Variants in PARD3B observed in about 807,000 individuals in gnomAD.
The protein encoded by PARD3B is par-3 family cell polarity regulator beta, also known as partitioning defective 3 homolog B.
In PARD3B, 103 loss-of-function variants were observed where a neutral mutation model predicts 130.2. The ratio of observed to expected loss-of-function variants is 0.79; its 90% CI spans 0.67 to 0.93. PARD3B has a LOEUF of 0.93. Among genes scored for constraint, PARD3B ranks in the 40% least tolerant of loss-of-function variants. The pLI is 0.00. For missense variants in PARD3B, 1,609 were observed against 1,499.2 expected (o/e 1.07, Z -1.21); for synonymous variants, 583 against 553.2 (o/e 1.05, Z -0.76).
intron 19 of PARD3B, among the ~76,000 whole-genome samples, chr2:205,416,403 T>C (rs1003305799): frequency 9.3e-5 from 14 of 150,848 alleles, no homozygotes; most frequent in African/African-American, 3.5e-4. Context: ...GTTTTCATGC[T>C]GTGTATAAAA....
At chr2:205,029,598 T>C (rs1697283878) in intron 3 of PARD3B, among the ~76,000 whole-genome samples, 1 of 152,186 alleles carries the variant, frequency 6.6e-6, no homozygotes, top group Admixed American at 6.6e-5. Context: ...TAATTCTCCC[T>C]CTTGCTCCTA....
chr2:205,356,825 G>A (rs2044209825), intron 18 of PARD3B, among the ~76,000 whole-genome samples: 2 of 151,350 alleles, frequency 1.3e-5, no homozygotes, highest in South Asian at 4.2e-4. Flanking sequence ...CAGGAAGCAG[G>A]GGTTGCAGTG....
intron 1 of PARD3B, among the ~76,000 whole-genome samples, chr2:204,617,448 T>A (rs556515498): frequency 6.6e-6 from 1 of 152,200 alleles, no homozygotes; most frequent in Non-Finnish European, 1.5e-5. Flanking sequence ...CTAGGTCTTT[T>A]TGGGGAGATG....
chr2:205,567,953 C>A (rs1369807970), intron 22 of PARD3B, among the ~76,000 whole-genome samples: 1 of 152,152 alleles, frequency 6.6e-6, no homozygotes, highest in African/African-American at 2.4e-5. Context: ...CACCTTGCCC[C>A]ACCTGGGGGC....
intron 22 of PARD3B, among the ~76,000 whole-genome samples, chr2:205,586,102 A>G (rs146596871): frequency 1.3e-5 from 2 of 152,272 alleles, no homozygotes; most frequent in African/African-American, 4.8e-5. Flanking sequence ...TTCATGATTT[A>G]CCCATCTTGA....
At chr2:205,026,195 G>A (rs1293087334) in intron 3 of PARD3B, among the ~76,000 whole-genome samples, 1 of 152,120 alleles carries the variant, frequency 6.6e-6, no homozygotes, top group Non-Finnish European at 1.5e-5. Context: ...TATTCTGAGA[G>A]TAGAGGGAAA....
chr2:205,277,283 C>T (rs1229092655), intron 16 of PARD3B, among the ~76,000 whole-genome samples: 1 of 152,084 alleles, frequency 6.6e-6, no homozygotes, highest in Admixed American at 6.5e-5. Flanking sequence ...TTTTGTTGTT[C>T]ATTAGCTGTG....
chr2:204,985,480 A>G (rs1339853369), intron 3 of PARD3B, among the ~76,000 whole-genome samples: 1 of 152,186 alleles, frequency 6.6e-6, no homozygotes, highest in Admixed American at 6.5e-5. Context: ...CAGTTCTAAC[A>G]CTTTTCTGGA....
At chr2:205,108,317 C>T (rs1055324377) in intron 5 of PARD3B, among the ~76,000 whole-genome samples, 1 of 152,132 alleles carries the variant, frequency 6.6e-6, no homozygotes, top group Non-Finnish European at 1.5e-5. Flanking sequence ...ACACTTCTCC[C>T]TAATTCTAGA....
rs147350122 is a variant in PARD3B, at chr2:204,718,073, G to C, written c.222+31791G>C. On this transcript the variant is annotated intron_variant, in intron 2 of 22. Transcript: ENST00000406610. ...TTTTATTTTAGAGAACCCGAGGGGA[G>C]AAAGGCACGTATCATGAGAAATGAA... Among the ~76,000 whole-genome samples, 3 of 152,266 alleles carry C rather than the reference G, an allele frequency of 2.0e-5. No individual in the cohort carries two copies. In the East Asian group the frequency reaches 5.8e-4, roughly 29 times the overall value.
At chr2:204,687,710 T>A (rs2125246373) in intron 2 of PARD3B, among the ~76,000 whole-genome samples, 1 of 152,308 alleles carries the variant, frequency 6.6e-6, no homozygotes, top group Non-Finnish European at 1.5e-5. Context: ...TTCACCCTGT[T>A]TCACTTTCTG....
chr2:205,095,989 T>A (rs1702371427), intron 4 of PARD3B, among the ~76,000 whole-genome samples: 1 of 152,060 alleles, frequency 6.6e-6, no homozygotes, highest in Admixed American at 6.6e-5. Context: ...TTGGTTTTAT[T>A]TCAGGTATGC....
chr2:204,928,554 A>G (rs1028950149), intron 2 of PARD3B, among the ~76,000 whole-genome samples: 1 of 152,154 alleles, frequency 6.6e-6, no homozygotes, highest in South Asian at 2.1e-4. Context: ...TGCTTAAACA[A>G]GTGGAGTTCT....
intron 1 of PARD3B, among the ~76,000 whole-genome samples, chr2:204,552,443 A>G (rs1003345614): frequency 2.6e-5 from 4 of 152,164 alleles, no homozygotes; most frequent in Admixed American, 2.6e-4. Context: ...AATCTGGGCC[A>G]TTTTTAGTGA....
At chr2:205,163,851 G>A (rs1313620106) in intron 11 of PARD3B, among the ~76,000 whole-genome samples, 1 of 152,126 alleles carries the variant, frequency 6.6e-6, no homozygotes, top group Non-Finnish European at 1.5e-5. Context: ...AATGTTAAAT[G>A]ATTTCTTCAA....
intron 3 of PARD3B, among the ~76,000 whole-genome samples, chr2:205,022,889 G>T (rs944597039): frequency 6.6e-6 from 1 of 152,156 alleles, no homozygotes; most frequent in African/African-American, 2.4e-5. Flanking sequence ...TCTTTTGCTT[G>T]CCTCTTGTTA....
intron 22 of PARD3B, among the ~76,000 whole-genome samples, chr2:205,555,831 G>C (rs2052857458): frequency 6.6e-6 from 1 of 152,148 alleles, no homozygotes; most frequent in African/African-American, 2.4e-5. Flanking sequence ...CTTTTAAATG[G>C]GGATGCTGCA....
rs5837948 is a variant in PARD3B at position 205,018,722 on chromosome 2, C to CAAAAAAAAAAAAAAAAA, written c.395-28847_395-28831dup. Among the ~76,000 whole-genome samples the CAAAAAAAAAAAAAAAAA allele has an allele frequency of 5.1e-4, 22 of 43,158 alleles. 2 individuals are homozygous for CAAAAAAAAAAAAAAAAA. Among genetic ancestry groups the CAAAAAAAAAAAAAAAAA allele is most frequent in the East Asian group, 1.9e-3 (3 of 1,582 alleles). The allele number at this position is 43,158 out of a possible 152,430, so 28.3% of individuals were successfully genotyped here. On this transcript the variant is annotated intron_variant, in intron 3 of 22. Transcript: ENST00000406610. ...TACAAATTTGATTTAGCAGTATAAG[C>CAAAAAAAAAAAAAAAAA]AAAAAAAAAAAAAAAAAAAAAAAAA...
intron 18 of PARD3B, among the ~76,000 whole-genome samples, chr2:205,361,377 G>A (rs1483145570): frequency 6.6e-6 from 1 of 152,094 alleles, no homozygotes; most frequent in Non-Finnish European, 1.5e-5. Context: ...TCCAAACAAG[G>A]CAAAAGCTGT....
Sources: allele counts gnomAD v4.1 joint callset (sites outside exome capture counted in the v4.1 genomes callset), GRCh38; gene constraint gnomAD v4.1.1; transcripts MANE v1.5; gene names NCBI Gene and HGNC (gene_info 2026-07-23, HGNC 2026-07-21).